Variants in BCAP29 observed in about 807,000 individuals in gnomAD.
The protein encoded by BCAP29 is B cell receptor associated protein 29, also known as B-cell receptor-associated protein 29.
In BCAP29, 34 loss-of-function variants were observed where a neutral mutation model predicts 31.8. That is an observed-to-expected ratio of 1.07 (90% confidence interval 0.81 to 1.42). The LOEUF is 1.42. Ranked by LOEUF, BCAP29 falls within the 40% of genes most tolerant of loss-of-function variation. BCAP29 has a pLI of 0.00. For missense variants in BCAP29, 314 were observed against 269.2 expected, an observed-to-expected ratio of 1.17 and a Z score of -1.16; for synonymous variants, 104 against 91.3, an observed-to-expected ratio of 1.14 and a Z score of -0.79.
intron 3 of BCAP29, chr7:107,587,320 C>T (rs1293630952): frequency 2.0e-5 from 3 of 152,078 alleles, no homozygotes; most frequent in African/African-American, 7.2e-5. Context: ...ACATAGTTAC[C>T]TTTTTAGTAT....
At chr7:107,607,851 G>T (rs1235298400) in intron 6 of BCAP29, among the ~76,000 whole-genome samples, 2 of 151,922 alleles carry the variant, frequency 1.3e-5, no homozygotes, top group African/African-American at 4.8e-5. Flanking sequence ...TGTTGGCCAG[G>T]CTGGTCTTGA....
At chr7:107,594,186 AG>A in intron 4 of BCAP29, 81 bp downstream of exon 4, 1 of 1,322,990 alleles carries the variant, frequency 7.6e-7, no homozygotes. Context: ...CCTTTACTGT[AG>A]ATTTTTTTTT....
chr7:107,581,308 T>C (rs1307438965), intron 2 of BCAP29, among the ~76,000 whole-genome samples: 1 of 152,216 alleles, frequency 6.6e-6, no homozygotes, highest in African/African-American at 2.4e-5. Flanking sequence ...GCCAATAAAT[T>C]ATTCTTAGTT....
At chr7:107,597,413 T>C (rs1218199177) in intron 5 of BCAP29, among the ~76,000 whole-genome samples, 1 of 152,106 alleles carries the variant, frequency 6.6e-6, no homozygotes, top group Non-Finnish European at 1.5e-5. Context: ...CATTATCCAG[T>C]GGAAACTGCA....
chr7:107,586,158 A>G (rs117824382), intron 3 of BCAP29, among the ~76,000 whole-genome samples: 2,259 of 152,290 alleles, frequency 0.015, 29 homozygotes, highest in Non-Finnish European at 0.022. Context: ...CATTTTTCCT[A>G]TATATACTTC....
chr7:107,581,510 C>T (rs1806661493), intron 2 of BCAP29, among the ~76,000 whole-genome samples: 1 of 152,162 alleles, frequency 6.6e-6, no homozygotes. Flanking sequence ...AGCAGTGGTT[C>T]ATTTTACCCT....
At chr7:107,613,744 T>C (rs1389414220) in intron 7 of BCAP29, 2 of 1,611,868 alleles carry the variant, frequency 1.2e-6, no homozygotes, top group Admixed American at 1.7e-5. Flanking sequence ...TGAGTTTTGC[T>C]CTTTGGGATG....
At chr7:107,605,908 C>G (rs184226736) in intron 6 of BCAP29, among the ~76,000 whole-genome samples, 3 of 152,146 alleles carry the variant, frequency 2.0e-5, no homozygotes, top group Non-Finnish European at 4.4e-5. Flanking sequence ...AAACACTAAA[C>G]TATTAATAGT....
At position 107,595,858 on chromosome 7, in the gene BCAP29, T is replaced by C. The variant is rs779961282; in HGVS notation, c.345-9T>C. On this transcript the variant is annotated splice_polypyrimidine_tract_variant and intron_variant, in intron 4 of 7. Transcript: ENST00000005259. The stretch of plus-strand genomic sequence containing the variant: ...GCCAGTAATACATTATTCTGGTTTT[T>C]TTTCTTAGAGTTTTGAGACGTCTGG... The C allele has an allele frequency of 1.9e-6, 3 of 1,592,192 alleles. No individual in the cohort carries two copies. Among genetic ancestry groups the C allele is most frequent in the Middle Eastern group, 1.7e-4 (1 of 6,010 alleles).
intron 4 of BCAP29, 168 bp from the exon 5 acceptor site, chr7:107,595,699 C>T: frequency 3.4e-6 from 2 of 579,804 alleles, no homozygotes; most frequent in South Asian, 2.8e-5. Flanking sequence ...GAGACACGGG[C>T]CTGTTTTTAC....
intron 1 of BCAP29, 177 bp from the exon 2 acceptor site, chr7:107,580,582 C>G: frequency 1.9e-6 from 1 of 520,344 alleles, no homozygotes; most frequent in Non-Finnish European, 3.3e-6. Context: ...AGGGAGGTGG[C>G]GACACCCGCT....
At chr7:107,591,010 A>T (rs932223222) in intron 3 of BCAP29, among the ~76,000 whole-genome samples, 1 of 152,212 alleles carries the variant, frequency 6.6e-6, no homozygotes, top group Non-Finnish European at 1.5e-5. Flanking sequence ...GACATTTTTA[A>T]AAATTCCTTT....
At chr7:107,584,680 C>T (rs919598138) in intron 3 of BCAP29, among the ~76,000 whole-genome samples, 1 of 152,102 alleles carries the variant, frequency 6.6e-6, no homozygotes. Context: ...GCCTGAGCAA[C>T]AGAGCAAGAT....
intron 4 of BCAP29, among the ~76,000 whole-genome samples, chr7:107,594,418 C>T (rs1443605816): frequency 2.6e-5 from 4 of 151,984 alleles, no homozygotes; most frequent in Non-Finnish European, 4.4e-5. Flanking sequence ...AAACTCCTGG[C>T]CTCAAGTGAT....
At chr7:107,604,441 A>T (rs1274388389) in intron 6 of BCAP29, among the ~76,000 whole-genome samples, 1 of 152,204 alleles carries the variant, frequency 6.6e-6, no homozygotes, top group Admixed American at 6.5e-5. Flanking sequence ...TAAGAATAAG[A>T]CATAAGCTTT....
rs59376183 is a variant in BCAP29, at chr7:107,598,894, TACACAC to T, written c.481-1470_481-1465del. On this transcript the variant is annotated intron_variant, in intron 5 of 7. Coordinates refer to ENST00000005259, the MANE Select transcript of BCAP29 (RefSeq NM_018844.4). The stretch of plus-strand genomic sequence containing the variant: ...TAAGACCAGCCTGGGCAATACAGTA[TACACAC>T]ACACACACACACACACACACACACA... Among the ~76,000 whole-genome samples the T allele has an allele frequency of 2.2e-3, 310 of 139,104 alleles. 4 individuals are homozygous for T. Among genetic ancestry groups the T allele is most frequent in the Admixed American group, 4.1e-3 (54 of 13,114 alleles). The allele number at this position is 139,104 out of a possible 152,430, so 91.3% of individuals were successfully genotyped here.
intron 5 of BCAP29, among the ~76,000 whole-genome samples, chr7:107,598,338 T>G (rs776224708): frequency 2.6e-5 from 4 of 152,156 alleles, no homozygotes; most frequent in Non-Finnish European, 5.9e-5. Flanking sequence ...AAAGAAAAAC[T>G]TTTAATTTGA....
intron 5 of BCAP29, among the ~76,000 whole-genome samples, chr7:107,599,696 C>T (rs1273864423): frequency 6.6e-6 from 1 of 151,834 alleles, no homozygotes; most frequent in Non-Finnish European, 1.5e-5. Context: ...AGTTTCTGTA[C>T]ACAATACAGA....
chr7:107,586,250 C>G (rs1374576005), intron 3 of BCAP29, among the ~76,000 whole-genome samples: 2 of 151,992 alleles, frequency 1.3e-5, no homozygotes, highest in Non-Finnish European at 2.9e-5. Context: ...GGTGTGGTAC[C>G]CATTCCAGAC....
Sources: gnomAD v4.1 joint callset for allele counts (sites outside exome capture counted in the v4.1 genomes callset) on GRCh38, gnomAD v4.1.1 for gene constraint, MANE v1.5 for transcripts, NCBI Gene and HGNC (gene_info 2026-07-23, HGNC 2026-07-21) for gene names.